Variants in ATP2A3 observed in about 807,000 individuals in gnomAD.
ATP2A3 encodes the protein sarcoplasmic/endoplasmic reticulum calcium ATPase 3.
Under a neutral mutation model 106.8 loss-of-function variants are expected in ATP2A3, and 61 were observed. The ratio of observed to expected loss-of-function variants is 0.57; its 90% CI spans 0.46 to 0.71. The LOEUF (loss-of-function observed/expected upper bound fraction) is 0.71. Ranked by LOEUF, ATP2A3 falls within the 30% of genes least tolerant of loss-of-function variation. ATP2A3 has a pLI of 0.00. For synonymous variants in ATP2A3, 611 were observed against 609.3 expected, an observed-to-expected ratio of 1.00 and a Z score of -0.04; for missense variants, 1,201 against 1,423.5, an observed-to-expected ratio of 0.84 and a Z score of 2.52.
At chr17:3,933,476 G>T (rs1212959814) in intron 17 of ATP2A3, among the ~76,000 whole-genome samples, 1 of 151,168 alleles carries the variant, frequency 6.6e-6, no homozygotes, top group Non-Finnish European at 1.5e-5. Context: ...CGTGGCTCAC[G>T]CCTGTGATCC....
intron 8 of ATP2A3, chr17:3,945,411 TG>T: frequency 2.7e-6 from 1 of 375,006 alleles, no homozygotes; most frequent in East Asian, 4.6e-5. Context: ...TTCAGTGCTC[TG>T]GGGGCAGTTG....
chr17:3,925,422 T>A lies in ATP2A3; in HGVS notation c.3000A>T (p.Ter1000CysextTer42). 1 of 1,613,802 alleles carries A rather than the reference T, an allele frequency of 6.2e-7. No individual in the cohort carries two copies. The highest frequency in any genetic ancestry group is 8.5e-7 in the Non-Finnish European group (1 of 1,179,930). The change falls in exon 21 of 21, where the codon TGA (stop) becomes TGT (cysteine). Residue 1000 changes from the stop codon to cysteine, a stop_lost. Coordinates refer to ENST00000397041, the MANE Select transcript of ATP2A3 (RefSeq NM_005173.4). The surrounding 1 kb of genome is among the most constrained non-coding windows in gnomAD (Gnocchi z 4.2). Reference protein sequence around the residue: ...NHMHEEMSQK* With the variant: ...NHMHEEMSQKC Reference sequence around the variant, plus strand: ...GGAGACTCCACTCTGTTCCCAGCGCTCACTTCTGGCTCATTTCTTCTGGAA... The same window carrying A: ...GGAGACTCCACTCTGTTCCCAGCGCACACTTCTGGCTCATTTCTTCTGGAA...
chr17:3,958,849 A>AATATAAATAT (rs2054966245), intron 1 of ATP2A3, among the ~76,000 whole-genome samples: 1 of 84,238 alleles, frequency 1.2e-5, no homozygotes, highest in Non-Finnish European at 2.3e-5. Context: ...CACATATATA[A>AATATAAATAT]ATATATATAT....
At chr17:3,951,440 C>T (rs368104377) in intron 4 of ATP2A3, 51 bp from the exon 5 acceptor site, 11 of 1,612,330 alleles carry the variant, frequency 6.8e-6, no homozygotes, top group Non-Finnish European at 6.8e-6. Flanking sequence ...CCCCCGCAGA[C>T]CACCCCCTTG....
chr17:3,928,416 G>A lies in ATP2A3; in HGVS notation c.2980+247C>T. 1.5e-6 allele frequency: 2 copies of A among 1,314,826 alleles called. No individual in the cohort carries two copies. Among genetic ancestry groups the A allele is most frequent in the Non-Finnish European group, 1.1e-6 (1 of 932,094 alleles). The allele number at this position is 1,314,826 out of a possible 1,614,324, so 81.4% of individuals were successfully genotyped here. A position where few individuals can be genotyped will look rare whatever the true frequency, so the allele number is the denominator to read the frequency against. ...GGTGGCAGGTGAAGACAGTGAGGCAGTGTGGCCCAAGAGGTGCTCCCGTTG... is the reference window on the plus strand; with the variant it reads ...GGTGGCAGGTGAAGACAGTGAGGCAATGTGGCCCAAGAGGTGCTCCCGTTG... On this transcript the variant is annotated intron_variant, in intron 20 of 20. Coordinates refer to ENST00000397041, the MANE Select transcript of ATP2A3 (RefSeq NM_005173.4). This position sits in a 1 kb window ranked among gnomAD's most constrained non-coding sequence, Gnocchi z 6.1.
Position 3,925,448 on chromosome 17 carries a change from G to C in ATP2A3, c.2981-7C>G. Reference sequence around the variant, plus strand: ...CACTTCTGGCTCATTTCTTCTGGAAGAAAAACCCAAGAGCGCGTTAAGATG... The same window carrying C: ...CACTTCTGGCTCATTTCTTCTGGAACAAAAACCCAAGAGCGCGTTAAGATG... On this transcript the variant is annotated splice_polypyrimidine_tract_variant and splice_region_variant and intron_variant, in intron 20 of 20. Coordinates refer to ENST00000397041, the MANE Select transcript of ATP2A3 (RefSeq NM_005173.4). The surrounding 1 kb of genome is among the most constrained non-coding windows in gnomAD (Gnocchi z 4.2). 6.2e-7 allele frequency: 1 copy of C among 1,613,182 alleles called. No individual in the cohort carries two copies. Among genetic ancestry groups the C allele is most frequent in the Non-Finnish European group, 8.5e-7 (1 of 1,179,758 alleles).
chr17:3,946,807 C>T (rs575273176), intron 8 of ATP2A3, among the ~76,000 whole-genome samples: 5 of 152,300 alleles, frequency 3.3e-5, no homozygotes, highest in Admixed American at 1.3e-4. Context: ...TTCACCATCT[C>T]CCCACCCACC....
In ATP2A3 at chr17:3,930,156, A is replaced by C; in HGVS notation, c.2744+145T>G. 1.6e-6 allele frequency: 2 copies of C among 1,217,064 alleles called. No homozygotes were observed. The allele number at this position is 1,217,064 out of a possible 1,614,324, so 75.4% of individuals were successfully genotyped here. ...CTCAGACACTGATACTGGAACCCCC[A>C]GCCCTCAGCCCCCACTCCTCGGCCC... On this transcript the variant is annotated intron_variant, in intron 18 of 20. Transcript: ENST00000397041. This position sits in a 1 kb window ranked among gnomAD's most constrained non-coding sequence, Gnocchi z 5.4.
At position 3,944,690 on chromosome 17, in the gene ATP2A3, G is replaced by T. The variant is rs757237176; in HGVS notation, c.1287+14C>A. On this transcript the variant is annotated intron_variant, in intron 10 of 20. Transcript: ENST00000397041. ...CTGGATACTAGGGAGGTCATGAAAG[G>T]GGGTGAGGCCCACCTCGTTGTAGTC... is the stretch of plus-strand genomic sequence containing the variant. 3 of 1,611,254 alleles carry T rather than the reference G, an allele frequency of 1.9e-6. No homozygotes were observed. Among genetic ancestry groups the T allele is most frequent in the Non-Finnish European group, 8.5e-7 (1 of 1,178,540 alleles).
In ATP2A3 at chr17:3,929,395, C is replaced by A; in HGVS notation, c.2795G>T (p.Trp932Leu). 3 of 1,586,690 alleles carry A rather than the reference C, an allele frequency of 1.9e-6. No homozygotes were observed. The highest frequency in any genetic ancestry group is 2.6e-6 in the Non-Finnish European group (3 of 1,167,316). The change falls in exon 19 of 21, where the codon TGG (tryptophan) becomes TTG (leucine). Residue 932 changes from tryptophan (W) to leucine (L), a missense_variant. Coordinates refer to ENST00000397041, the MANE Select transcript of ATP2A3 (RefSeq NM_005173.4). The surrounding 1 kb of genome is among the most constrained non-coding windows in gnomAD (Gnocchi z 4.3). ...GGACATGGCCACAGCCACCAGCAGC[C>A]AGGGGTTCATCCAGGGCGGCATCCG... ...LLRMPPWMNP[W>L]LLVAVAMSMA...
At chr17:3,945,265 C>A (rs1049296419) in intron 8 of ATP2A3, 117 bp from the exon 9 acceptor site, 33 of 949,246 alleles carry the variant, frequency 3.5e-5, no homozygotes, top group Non-Finnish European at 4.5e-5. Context: ...GCCAAACCGG[C>A]CTGGCCGTCC....
chr17:3,957,866 G>T, intron 1 of ATP2A3, among the ~76,000 whole-genome samples: 1 of 152,222 alleles, frequency 6.6e-6, no homozygotes, highest in East Asian at 1.9e-4. Context: ...GCTGCAGGGG[G>T]CAGAGACAGG....
chr17:3,948,413 C>G (rs983186042), intron 7 of ATP2A3, among the ~76,000 whole-genome samples: 1 of 152,210 alleles, frequency 6.6e-6, no homozygotes, highest in South Asian at 2.1e-4. Flanking sequence ...TCTGAGGAGG[C>G]TAAGAACCTG....
intron 17 of ATP2A3, among the ~76,000 whole-genome samples, chr17:3,933,275 T>A (rs1455671894): frequency 6.9e-6 from 1 of 144,610 alleles, no homozygotes; most frequent in South Asian, 2.2e-4. Context: ...AGCGAGACTC[T>A]GTCTCAAATA....
intron 17 of ATP2A3, among the ~76,000 whole-genome samples, chr17:3,933,597 A>G (rs1567683481): frequency 1.3e-5 from 2 of 150,964 alleles, no homozygotes; most frequent in Admixed American, 1.3e-4. Context: ...TTAGCCGGGC[A>G]TGGTGGTGGG....
rs770025574 is a variant in ATP2A3, at chr17:3,942,595, C to T, written c.1545+11G>A. 4 of 1,608,618 alleles carry T rather than the reference C, an allele frequency of 2.5e-6. No individual in the cohort carries two copies. Among genetic ancestry groups the T allele is most frequent in the Non-Finnish European group, 3.4e-6 (4 of 1,179,594 alleles). Reference sequence around the variant, plus strand: ...CGCGCAGGGGCCCAGGCCAGCCAGGCAGGCCCCCACCTTCACAAACATCTT... The same window carrying T: ...CGCGCAGGGGCCCAGGCCAGCCAGGTAGGCCCCCACCTTCACAAACATCTT... On this transcript the variant is annotated intron_variant, in intron 12 of 20. Coordinates refer to ENST00000397041, the MANE Select transcript of ATP2A3 (RefSeq NM_005173.4).
rs368973081 is a variant in ATP2A3, at chr17:3,942,908, C to T, written c.1420-177G>A. Among the ~76,000 whole-genome samples the T allele has an allele frequency of 9.9e-5, 15 of 152,192 alleles. No individual in the cohort carries two copies. In the South Asian group the frequency reaches 1.4e-3, roughly 15 times the overall value. On this transcript the variant is annotated intron_variant, in intron 11 of 20. Transcript: ENST00000397041. ...CTCTCCAGCCCCAGAAATGGCAATA[C>T]GATGCCGTTTGCTGACCATGCTGTG...
Position 3,953,334 on chromosome 17 carries a change from G to A in ATP2A3, c.219+13C>T. 1 of 1,613,392 alleles carries A rather than the reference G, an allele frequency of 6.2e-7. No individual in the cohort carries two copies. The highest frequency in any genetic ancestry group is 8.5e-7 in the Non-Finnish European group (1 of 1,179,578). On this transcript the variant is annotated intron_variant, in intron 3 of 20. Coordinates refer to ENST00000397041, the MANE Select transcript of ATP2A3 (RefSeq NM_005173.4). The surrounding 1 kb of genome is among the most constrained non-coding windows in gnomAD (Gnocchi z 5.1). ...ACCGACTACCACAGGATGGCTGGCA[G>A]GGCCCTACTTACAAAGGAGACAAGG...
At chr17:3,939,068 G>A (rs1359713121) in intron 14 of ATP2A3, among the ~76,000 whole-genome samples, 8 of 152,168 alleles carry the variant, frequency 5.3e-5, no homozygotes, top group African/African-American at 1.4e-4. Flanking sequence ...TCAGGAGGCT[G>A]AGGTGGGAGG....
Sources: allele counts gnomAD v4.1 joint callset (sites outside exome capture counted in the v4.1 genomes callset), GRCh38; gene constraint gnomAD v4.1.1; non-coding constraint Gnocchi (gnomAD v3.1); transcripts MANE v1.5; gene names NCBI Gene and HGNC (gene_info 2026-07-23, HGNC 2026-07-21).